Variants in ASTN2 observed in about 807,000 individuals in gnomAD.
ASTN2 encodes the protein astrotactin-2.
A neutral mutation model predicts 139.8 loss-of-function variants in ASTN2; 54 were observed. That is an observed-to-expected ratio of 0.39 (90% CI 0.31 to 0.48). The LOEUF (loss-of-function observed/expected upper bound fraction) is 0.48. Among genes scored for constraint, ASTN2 ranks in the 20% least tolerant of loss-of-function variants. The pLI is 0.95. For missense variants in ASTN2, 1,565 were observed against 1,725.1 expected, an observed-to-expected ratio of 0.91 and a Z score of 1.64; for synonymous variants, 756 against 719.5, an observed-to-expected ratio of 1.05 and a Z score of -0.81.
chr9:116,719,741 T>C (rs1401482355), intron 16 of ASTN2, among the ~76,000 whole-genome samples: 3 of 151,778 alleles, frequency 2.0e-5, no homozygotes, highest in Non-Finnish European at 4.4e-5. Flanking sequence ...CACTTACTAA[T>C]GTTGCAGAAG....
intron 1 of ASTN2, among the ~76,000 whole-genome samples, chr9:117,308,308 C>T (rs1367361795): frequency 6.6e-6 from 1 of 152,150 alleles, no homozygotes; most frequent in African/African-American, 2.4e-5. Context: ...TACAGCCAGA[C>T]ATTATGCTTA....
intron 4 of ASTN2, among the ~76,000 whole-genome samples, chr9:117,098,917 G>A (rs965537750): frequency 2.0e-5 from 3 of 151,998 alleles, no homozygotes; most frequent in Non-Finnish European, 4.4e-5. Context: ...AGACCAGCCT[G>A]GGCAACACGG....
In ASTN2 at chr9:117,217,698, G is replaced by A. The variant is rs1300712651; in HGVS notation, c.631-2956C>T. Among the ~76,000 whole-genome samples, 4 of 152,344 alleles carry A rather than the reference G, an allele frequency of 2.6e-5. No individual in the cohort carries two copies. In the South Asian group the frequency reaches 8.3e-4, roughly 32 times the overall value. On this transcript the variant is annotated intron_variant, in intron 2 of 22. Transcript: ENST00000313400. ...TTGGGTCATGAAGGCTAAATAAGAT[G>A]CTTGTGGGGTATTTAATATAGGGTA...
At chr9:117,338,162 A>C (rs1272944112) in intron 1 of ASTN2, among the ~76,000 whole-genome samples, 1 of 152,166 alleles carries the variant, frequency 6.6e-6, no homozygotes, top group Non-Finnish European at 1.5e-5. Context: ...ATTTTCTTCC[A>C]ATGCATCTAC....
intron 3 of ASTN2, among the ~76,000 whole-genome samples, chr9:117,147,872 C>T (rs990449145): frequency 6.6e-6 from 1 of 152,166 alleles, no homozygotes; most frequent in African/African-American, 2.4e-5. Context: ...AGTACTCCCT[C>T]TCTGGTTGGC....
At chr9:116,950,003 T>A (rs1835513464) in intron 10 of ASTN2, among the ~76,000 whole-genome samples, 1 of 152,140 alleles carries the variant, frequency 6.6e-6, no homozygotes, top group African/African-American at 2.4e-5. Context: ...TGGTGGTGAT[T>A]GTTATTTCAG....
At chr9:116,668,677 A>G (rs1483977550) in intron 16 of ASTN2, among the ~76,000 whole-genome samples, 1 of 152,240 alleles carries the variant, frequency 6.6e-6, no homozygotes, top group African/African-American at 2.4e-5. Flanking sequence ...AAGCTGATAT[A>G]AATATCCATG....
chr9:117,060,890 G>A (rs892821978), intron 5 of ASTN2, among the ~76,000 whole-genome samples: 4 of 151,560 alleles, frequency 2.6e-5, no homozygotes, highest in South Asian at 2.1e-4. Context: ...GCGAGAGTCC[G>A]TCAAAAAGAA....
At chr9:116,919,413 G>A (rs763138015) in intron 10 of ASTN2, among the ~76,000 whole-genome samples, 1 of 152,080 alleles carries the variant, frequency 6.6e-6, no homozygotes, top group African/African-American at 2.4e-5. Flanking sequence ...CCTCTTACAT[G>A]TCTAAAAGAT....
intron 4 of ASTN2, among the ~76,000 whole-genome samples, chr9:117,128,093 T>A (rs777616577): frequency 2.6e-5 from 4 of 152,100 alleles, no homozygotes; most frequent in Non-Finnish European, 5.9e-5. Flanking sequence ...ACTGAGTCAG[T>A]TCCTGGGTGG....
chr9:116,959,649 T>A (rs1241693770), intron 10 of ASTN2, among the ~76,000 whole-genome samples: 1 of 151,984 alleles, frequency 6.6e-6, no homozygotes, highest in Non-Finnish European at 1.5e-5. Context: ...TCACCATAAC[T>A]CCCAGCTCAG....
At chr9:117,309,318 A>G (rs10983616) in intron 1 of ASTN2, among the ~76,000 whole-genome samples, 46,386 of 152,158 alleles carry the variant, frequency 0.3, 7,910 homozygotes, top group East Asian at 0.45. Flanking sequence ...TATTTAGCCT[A>G]AGACAGCAGA....
chr9:116,571,162 A>C (rs60933913), intron 19 of ASTN2, among the ~76,000 whole-genome samples: 24,544 of 152,108 alleles, frequency 0.16, 2,171 homozygotes, highest in African/African-American at 0.22. Flanking sequence ...AGACTGAGGC[A>C]CAATCCCTGG....
At chr9:117,083,712 G>T (rs1197893016) in intron 5 of ASTN2, among the ~76,000 whole-genome samples, 1 of 152,122 alleles carries the variant, frequency 6.6e-6, no homozygotes, top group Non-Finnish European at 1.5e-5. Context: ...AAACAAGAAA[G>T]CAAGAGAGAC....
intron 3 of ASTN2, among the ~76,000 whole-genome samples, chr9:117,197,841 G>T (rs1831557810): frequency 1.3e-5 from 2 of 152,102 alleles, no homozygotes; most frequent in African/African-American, 2.4e-5. Context: ...GCTGGGTACA[G>T]AATTATAGAT....
At chr9:117,033,194 T>C (rs1384220049) in intron 6 of ASTN2, among the ~76,000 whole-genome samples, 1 of 152,092 alleles carries the variant, frequency 6.6e-6, no homozygotes, top group African/African-American at 2.4e-5. Context: ...ATAATATGGC[T>C]CCAAAACAAA....
intron 11 of ASTN2, among the ~76,000 whole-genome samples, chr9:116,859,742 G>C (rs1832829732): frequency 6.6e-6 from 1 of 152,228 alleles, no homozygotes; most frequent in Admixed American, 6.5e-5. Context: ...GTGGGTTTGA[G>C]GGCTATGAAG....
rs1306397698 is a variant in ASTN2, at chr9:117,120,018, G to GTGTATATATATATATATATA, written c.1168+21307_1168+21308insTATATATATATATATATACA. On this transcript the variant is annotated intron_variant, in intron 4 of 22. Transcript: ENST00000313400. ...TGTGTGTGTGTGTGTGTGTGTGTGT[G>GTGTATATATATATATATATA]TATATATATATATATATATATATAT... 3.7e-4 allele frequency among the ~76,000 whole-genome samples: 17 copies of GTGTATATATATATATATATA among 45,996 alleles called. No individual in the cohort carries two copies. In the East Asian group the frequency reaches 4.6e-3, roughly 12 times the overall value. The allele number at this position is 45,996 out of a possible 152,430, so 30.2% of individuals were successfully genotyped here.
chr9:117,328,491 A>G (rs1347120279), intron 1 of ASTN2, among the ~76,000 whole-genome samples: 1 of 152,194 alleles, frequency 6.6e-6, no homozygotes, highest in Non-Finnish European at 1.5e-5. Context: ...CCTCAGGCTG[A>G]ATGATCCCTT....
Sources: gnomAD v4.1 joint callset for allele counts (sites outside exome capture counted in the v4.1 genomes callset) on GRCh38, gnomAD v4.1.1 for gene constraint, MANE v1.5 for transcripts, NCBI Gene and HGNC (gene_info 2026-07-23, HGNC 2026-07-21) for gene names.